The following CLASP1 variants were observed in gnomAD, a reference collection of about 807,000 sequenced individuals.
CLASP1 encodes CLIP-associating protein 1.
A neutral mutation model predicts 192.3 loss-of-function variants in CLASP1; 38 were observed. The ratio of observed to expected loss-of-function variants is 0.20; its 90% CI spans 0.15 to 0.26. CLASP1 has a LOEUF of 0.26. Among genes scored for constraint, CLASP1 ranks in the 10% least tolerant of loss-of-function variants. CLASP1 has a pLI of 1.00. For synonymous variants in CLASP1, 691 were observed against 712.8 expected (o/e 0.97, Z 0.49); for missense variants, 1,433 against 1,932.5 (o/e 0.74, Z 4.85).
chr2:121,574,676 C>T (rs1162741942), intron 2 of CLASP1, among the ~76,000 whole-genome samples: 16 of 150,558 alleles, frequency 1.1e-4, no homozygotes, highest in African/African-American at 2.7e-4. Flanking sequence ...CGGTGGCTCA[C>T]GCCTGTAATC....
Position 121,444,858 on chromosome 2 carries a change from G to C in CLASP1, c.1912+2479C>G, listed in dbSNP as rs181179198. 3.0e-4 allele frequency: 265 copies of C among 885,842 alleles called. 1 individual carries two copies. In the African/African-American group the frequency reaches 4.0e-3, roughly 13 times the overall value. The allele number at this position is 885,842 out of a possible 1,614,324, so 54.9% of individuals were successfully genotyped here. A position where few individuals can be genotyped will look rare whatever the true frequency, so the allele number is the denominator to read the frequency against. ...CATGCAGGGACCTTGGTGAGGACAA[G>C]TGGGTACTGGGCAACACTCGGTGAG... On this transcript the variant is annotated intron_variant, in intron 19 of 39. Coordinates refer to ENST00000263710, the Ensembl canonical transcript of CLASP1.
intron 9 of CLASP1, among the ~76,000 whole-genome samples, chr2:121,469,302 G>A (rs2090239407): frequency 6.6e-6 from 1 of 152,148 alleles, no homozygotes; most frequent in Non-Finnish European, 1.5e-5. Context: ...GAGCAGAGAT[G>A]GCTGGTCACC....
intron 8 of CLASP1, among the ~76,000 whole-genome samples, chr2:121,498,060 G>A (rs1471359776): frequency 2.6e-5 from 4 of 151,908 alleles, no homozygotes; most frequent in East Asian, 3.9e-4. Context: ...GGGTTTCACC[G>A]TGTTGCCCAG....
At chr2:121,479,019 CACA>C (rs1559370691) in intron 8 of CLASP1, among the ~76,000 whole-genome samples, 61 of 78,184 alleles carry the variant, frequency 7.8e-4, no homozygotes, top group African/African-American at 6.3e-3. Flanking sequence ...ACACACACCA[CACA>C]CACACACACC....
chr2:121,423,018 A>G (rs1324798504), intron 22 of CLASP1, among the ~76,000 whole-genome samples: 1 of 152,166 alleles, frequency 6.6e-6, no homozygotes, highest in African/African-American at 2.4e-5. Context: ...CTAAATGATA[A>G]TAGTAATATA....
At chr2:121,374,962 T>C (rs2069664121) in intron 34 of CLASP1, among the ~76,000 whole-genome samples, 1 of 152,176 alleles carries the variant, frequency 6.6e-6, no homozygotes. Context: ...TGGAGGACTG[T>C]TGGGAAGGCA....
At chr2:121,594,541 C>T (rs897787258) in intron 2 of CLASP1, among the ~76,000 whole-genome samples, 3 of 150,620 alleles carry the variant, frequency 2.0e-5, no homozygotes, top group Non-Finnish European at 3.0e-5. Context: ...TACAGGCACC[C>T]GATACCACGC....
At chr2:121,385,367 T>TAC (rs1405831976) in intron 32 of CLASP1, among the ~76,000 whole-genome samples, 2 of 152,238 alleles carry the variant, frequency 1.3e-5, no homozygotes, top group African/African-American at 4.8e-5. Flanking sequence ...AAGAATTTGA[T>TAC]AACAAGAAAA....
chr2:121,432,816 G>A (rs1356383375), intron 19 of CLASP1, among the ~76,000 whole-genome samples: 1 of 152,058 alleles, frequency 6.6e-6, no homozygotes, highest in African/African-American at 2.4e-5. Flanking sequence ...CTTGTATACA[G>A]ATTTGGGGTT....
chr2:121,360,411 T>C (rs2066157338), intron 37 of CLASP1, among the ~76,000 whole-genome samples: 1 of 152,092 alleles, frequency 6.6e-6, no homozygotes, highest in South Asian at 2.1e-4. Flanking sequence ...TTTGGAGTCA[T>C]AAGAATTGAA....
chr2:121,531,159 G>C (rs566081734), intron 2 of CLASP1: 26 of 611,514 alleles, frequency 4.3e-5, no homozygotes, highest in South Asian at 3.9e-4. Context: ...GATTAAACGG[G>C]AAGGATTTCA....
At position 121,528,639 on chromosome 2, in the gene CLASP1, C is replaced by G. The variant is rs749031529; in HGVS notation, c.378+38G>C. 14 of 1,562,006 alleles carry G rather than the reference C, an allele frequency of 9.0e-6. No individual in the cohort carries two copies. In the East Asian group the frequency reaches 3.1e-4, roughly 35 times the overall value. ...ACCCTCGCACGTGCATGCACGCGCA[C>G]TGGCCAGCTGACCTCAAAACACATC... On this transcript the variant is annotated intron_variant, in intron 4 of 39. Coordinates refer to ENST00000263710, the Ensembl canonical transcript of CLASP1.
At position 121,530,880 on chromosome 2, in the gene CLASP1, A is replaced by C. The variant is rs769805188; in HGVS notation, c.196-555T>G. The stretch of plus-strand genomic sequence containing the variant: ...TTGCAGCCCAGGGACTTTCTATTAT[A>C]ACCATCCTTTTCTTGGGGTTGCGCT... On this transcript the variant is annotated intron_variant, in intron 2 of 39. Transcript: ENST00000263710. The C allele has an allele frequency of 2.7e-5, 19 of 691,936 alleles. 1 individual carries two copies. The highest frequency in any genetic ancestry group is 2.1e-4 in the South Asian group (14 of 67,194). The allele number at this position is 691,936 out of a possible 1,614,324, so 42.9% of individuals were successfully genotyped here.
chr2:121,538,369 G>A (rs1043295387), intron 2 of CLASP1, among the ~76,000 whole-genome samples: 7 of 151,844 alleles, frequency 4.6e-5, no homozygotes, highest in East Asian at 1.9e-4. Context: ...CCAAGATTGC[G>A]CCATTGTACT....
chr2:121,427,381 A>C (rs1169558028), intron 21 of CLASP1, 23 bp downstream of exon 21: 2 of 1,611,596 alleles, frequency 1.2e-6, no homozygotes, highest in Non-Finnish European at 1.7e-6. Flanking sequence ...CAACAAAAAA[A>C]GGCAAGAAGA....
intron 36 of CLASP1, 121 bp downstream of exon 37, chr2:121,364,973 G>A: frequency 1.1e-6 from 1 of 891,334 alleles, no homozygotes; most frequent in Non-Finnish European, 1.8e-6. Flanking sequence ...ACAAATAAAT[G>A]TTTTGATGTA....
intron 2 of CLASP1, among the ~76,000 whole-genome samples, chr2:121,579,237 G>C (rs1303075839): frequency 1.3e-5 from 2 of 152,114 alleles, no homozygotes; most frequent in African/African-American, 4.8e-5. Flanking sequence ...GAAGACAGAG[G>C]GGCTGGGGGG....
At chr2:121,375,021 G>C (rs551655044) in intron 34 of CLASP1, among the ~76,000 whole-genome samples, 1 of 152,264 alleles carries the variant, frequency 6.6e-6, no homozygotes, top group South Asian at 2.1e-4. Flanking sequence ...GGGGCCGGGG[G>C]TAGAATGATA....
intron 1 of CLASP1, among the ~76,000 whole-genome samples, chr2:121,617,712 G>C (rs1171301264): frequency 6.6e-6 from 1 of 152,160 alleles, no homozygotes; most frequent in African/African-American, 2.4e-5. Context: ...TTCTCTGGTT[G>C]CATCTACTAA....
Sources: gnomAD v4.1 joint callset for allele counts (sites outside exome capture counted in the v4.1 genomes callset) on GRCh38, gnomAD v4.1.1 for gene constraint, MANE v1.5 for transcripts, NCBI Gene and HGNC (gene_info 2026-07-23, HGNC 2026-07-21) for gene names.